The following ATP8A1 variants were observed in gnomAD, a reference collection of about 807,000 sequenced individuals.
The protein encoded by ATP8A1 is phospholipid-transporting ATPase IA.
ATP8A1 carries 90 observed loss-of-function variants against 177.7 expected under a neutral mutation model. The observed-to-expected ratio is 0.51, with a 90% CI of 0.43 to 0.60. The LOEUF (loss-of-function observed/expected upper bound fraction) is 0.60, where lower values mean the gene tolerates loss of function less well. Among genes scored for constraint, ATP8A1 ranks in the 20% least tolerant of loss-of-function variants. The probability of loss-of-function intolerance (pLI) is 0.00; values close to 1 mark genes in which losing one functional copy is unlikely to be tolerated. For missense variants in ATP8A1, 1,072 were observed against 1,392.8 expected, an observed-to-expected ratio of 0.77 and a Z score of 3.67; for synonymous variants, 493 against 485.9, an observed-to-expected ratio of 1.01 and a Z score of -0.19.
At chr4:42,569,788 AAC>A (rs1731730213) in intron 14 of ATP8A1, among the ~76,000 whole-genome samples, 1 of 152,190 alleles carries the variant, frequency 6.6e-6, no homozygotes, top group Non-Finnish European at 1.5e-5. Flanking sequence ...CACTCATTAA[AAC>A]ACTCTTTATT....
chr4:42,566,569 T>G (rs1731369218), intron 15 of ATP8A1, among the ~76,000 whole-genome samples: 1 of 152,190 alleles, frequency 6.6e-6, no homozygotes, highest in Non-Finnish European at 1.5e-5. Context: ...CTTGTTAAAT[T>G]TTACCTGCTT....
intron 14 of ATP8A1, among the ~76,000 whole-genome samples, chr4:42,574,407 G>T (rs1230540122): frequency 6.6e-6 from 1 of 152,056 alleles, no homozygotes; most frequent in Non-Finnish European, 1.5e-5. Flanking sequence ...ATACCATTGG[G>T]CAGAGCACCC....
At position 42,408,638 on chromosome 4, in the gene ATP8A1, G is replaced by GT. The variant is rs1166803252; in HGVS notation, c.*4277dup. The GT allele has an allele frequency of 6.6e-6, 1 of 152,160 alleles. No homozygotes were observed. Among genetic ancestry groups the GT allele is most frequent in the Non-Finnish European group, 1.5e-5 (1 of 68,018 alleles). The allele number at this position is 152,160 out of a possible 1,614,324, so 9.4% of individuals were successfully genotyped here. On this transcript the variant is annotated 3_prime_UTR_variant, in exon 37 of 37. Transcript: ENST00000381668. ...TTCTACAGCAGTTTCAGCAGGAATG[G>GT]TTTTTCAGGGAGCTGAAAATACTAC...
chr4:42,452,337 T>C (rs765798365), intron 29 of ATP8A1, among the ~76,000 whole-genome samples: 2 of 152,176 alleles, frequency 1.3e-5, no homozygotes, highest in Admixed American at 6.5e-5. Flanking sequence ...GAAAATAAAA[T>C]TTAAAATAAA....
At chr4:42,446,080 C>A (rs370760048) in intron 31 of ATP8A1, among the ~76,000 whole-genome samples, 107 of 63,912 alleles carry the variant, frequency 1.7e-3, no homozygotes, top group East Asian at 2.0e-3. Flanking sequence ...AACGCCCTCT[C>A]AAAAAAAAAA....
chr4:42,608,739 C>T (rs2109425871), intron 5 of ATP8A1, among the ~76,000 whole-genome samples: 1 of 152,276 alleles, frequency 6.6e-6, no homozygotes, highest in East Asian at 1.9e-4. Context: ...AATAGTAAAA[C>T]CACAGAAAAT....
intron 27 of ATP8A1, among the ~76,000 whole-genome samples, chr4:42,460,925 T>C (rs999897118): frequency 1.2e-4 from 18 of 152,168 alleles, no homozygotes; most frequent in Admixed American, 6.5e-5. Flanking sequence ...ATATAGCTTC[T>C]GACAATAAGA....
chr4:42,520,620 T>A (rs1726017230), intron 22 of ATP8A1, among the ~76,000 whole-genome samples: 1 of 152,102 alleles, frequency 6.6e-6, no homozygotes, highest in Non-Finnish European at 1.5e-5. Context: ...AGTCAACTGA[T>A]AACAAGTCTC....
chr4:42,625,834 G>A, intron 2 of ATP8A1, 121 bp from the exon 3 acceptor site: 1 of 512,826 alleles, frequency 1.9e-6, no homozygotes, highest in Admixed American at 3.9e-5. Context: ...GTTTCAAATT[G>A]GGAGAATATT....
chr4:42,479,503 C>G (rs1721433316), intron 25 of ATP8A1, among the ~76,000 whole-genome samples: 1 of 152,296 alleles, frequency 6.6e-6, no homozygotes, highest in African/African-American at 2.4e-5. Flanking sequence ...CAGAGAAATG[C>G]CATAGGTTCC....
rs1362510462 is a variant in ATP8A1 at position 42,443,559 on chromosome 4, C to T, written c.3123+6G>A. On this transcript the variant is annotated splice_donor_region_variant and intron_variant, in intron 33 of 36. Transcript: ENST00000381668. ...TGTTGGATTGTGAGTTATTAGCGCACATTACCTCTCCTGACATATCAGGGG... is the reference window on the plus strand; with the variant it reads ...TGTTGGATTGTGAGTTATTAGCGCATATTACCTCTCCTGACATATCAGGGG... The T allele has an allele frequency of 1.8e-6, 2 of 1,099,620 alleles. No homozygotes were observed. Among genetic ancestry groups the T allele is most frequent in the Admixed American group, 1.7e-5 (1 of 58,866 alleles). The allele number at this position is 1,099,620 out of a possible 1,614,324, so 68.1% of individuals were successfully genotyped here. A position where few individuals can be genotyped will look rare whatever the true frequency, so the allele number is the denominator to read the frequency against.
chr4:42,457,689 C>G (rs1718639118), intron 27 of ATP8A1, among the ~76,000 whole-genome samples: 3 of 152,148 alleles, frequency 2.0e-5, no homozygotes, highest in African/African-American at 7.2e-5. Flanking sequence ...CGAATGGTCC[C>G]CTAGCTTCTG....
At chr4:42,582,525 C>A (rs5008341) in intron 9 of ATP8A1, among the ~76,000 whole-genome samples, 24,515 of 137,992 alleles carry the variant, frequency 0.18, 2,315 homozygotes, top group East Asian at 0.22. Flanking sequence ...CCCCCCCACC[C>A]AAATTAAAAA....
Position 42,581,730 on chromosome 4 carries a change from G to T in ATP8A1, c.725C>A (p.Thr242Asn). Residue 242 changes from threonine to asparagine, a missense_variant and splice_region_variant, in exon 10 of 37, where the codon ACC becomes AAC. Coordinates refer to ENST00000381668, the MANE Select transcript of ATP8A1 (RefSeq NM_006095.2). The stretch of plus-strand genomic sequence containing the variant: ...AATCTGATCTGCTCCCAGTGGAACG[G>T]TGCTAGGACAGATTACGTTGACATT... The part of the protein sequence containing the change: ...VGNIRLDGHG[T>N]VPLGADQILL... The T allele has an allele frequency of 2.5e-6, 4 of 1,610,152 alleles. No individual in the cohort carries two copies. Among genetic ancestry groups the T allele is most frequent in the Non-Finnish European group, 3.4e-6 (4 of 1,176,840 alleles).
At chr4:42,594,412 CA>C (rs1221260371) in intron 6 of ATP8A1, 1 of 1,021,040 alleles carries the variant, frequency 9.8e-7, no homozygotes, top group Non-Finnish European at 1.5e-6. Flanking sequence ...AAGATAGTTA[CA>C]AATATACAAC....
At chr4:42,543,779 A>G (rs190892963) in intron 20 of ATP8A1, 138 bp downstream of exon 20, 25 of 605,564 alleles carry the variant, frequency 4.1e-5, no homozygotes, top group Non-Finnish European at 6.1e-5. Context: ...GCTGAACACT[A>G]TTACTATAAA....
At chr4:42,472,287 C>T in intron 25 of ATP8A1, 1 of 534,572 alleles carries the variant, frequency 1.9e-6, no homozygotes, top group Non-Finnish European at 3.7e-6. Context: ...CATAGGAGAA[C>T]AACATGGAAA....
chr4:42,476,793 T>C (rs1721112623), intron 25 of ATP8A1, among the ~76,000 whole-genome samples: 1 of 152,112 alleles, frequency 6.6e-6, no homozygotes, highest in Admixed American at 6.5e-5. Flanking sequence ...AGACACCTGC[T>C]ACATCAATAA....
At chr4:42,576,034 G>A (rs1045621237) in intron 12 of ATP8A1, among the ~76,000 whole-genome samples, 5 of 152,074 alleles carry the variant, frequency 3.3e-5, no homozygotes, top group East Asian at 1.9e-4. Flanking sequence ...GCTTCCTACT[G>A]TGTCCGACAC....
Sources: allele counts gnomAD v4.1 joint callset (sites outside exome capture counted in the v4.1 genomes callset), GRCh38; gene constraint gnomAD v4.1.1; transcripts MANE v1.5; gene names NCBI Gene and HGNC (gene_info 2026-07-23, HGNC 2026-07-21).